The following NXPH1 variants were observed in gnomAD, a reference collection of about 807,000 sequenced individuals.
NXPH1 encodes neurexophilin-1.
NXPH1 carries 5 observed loss-of-function variants against 23.7 expected under a neutral mutation model. The ratio of observed to expected loss-of-function variants is 0.21; its 90% CI spans 0.11 to 0.44. The LOEUF (loss-of-function observed/expected upper bound fraction) is 0.44. NXPH1 is among the 20% of genes least tolerant of loss of function. The pLI, the probability that NXPH1 is intolerant of heterozygous loss-of-function variation, is 0.99. For missense variants in NXPH1, 324 were observed against 321.6 expected, an observed-to-expected ratio of 1.01 and a Z score of -0.06; for synonymous variants, 144 against 122.2, an observed-to-expected ratio of 1.18 and a Z score of -1.18.
At chr7:8,560,311 A>G (rs1818421879) in intron 2 of NXPH1, among the ~76,000 whole-genome samples, 4 of 151,730 alleles carry the variant, frequency 2.6e-5, no homozygotes. Flanking sequence ...AGATATTTCA[A>G]AGACTGTTGA....
chr7:8,676,638 G>A (rs1370531552), intron 2 of NXPH1, among the ~76,000 whole-genome samples: 4 of 152,104 alleles, frequency 2.6e-5, no homozygotes, highest in Non-Finnish European at 5.9e-5. Context: ...TCCAAGATGT[G>A]CTTATTTATC....
intron 2 of NXPH1, among the ~76,000 whole-genome samples, chr7:8,583,601 C>T (rs1213735118): frequency 3.3e-5 from 5 of 152,128 alleles, no homozygotes; most frequent in Admixed American, 6.5e-5. Context: ...TTACACAGCA[C>T]TTAGTGATAG....
At chr7:8,742,962 C>T (rs1479565926) in intron 2 of NXPH1, among the ~76,000 whole-genome samples, 3 of 145,830 alleles carry the variant, frequency 2.1e-5, no homozygotes, top group Admixed American at 6.8e-5. Flanking sequence ...TGAGTGTGTG[C>T]GTGTGTGCGT....
At chr7:8,547,860 G>A (rs887521177) in intron 2 of NXPH1, among the ~76,000 whole-genome samples, 4 of 151,444 alleles carry the variant, frequency 2.6e-5, no homozygotes, top group Non-Finnish European at 5.9e-5. Flanking sequence ...GTACTTAATG[G>A]TATATATATG....
intron 2 of NXPH1, among the ~76,000 whole-genome samples, chr7:8,458,108 G>A (rs1816632119): frequency 6.6e-6 from 1 of 152,208 alleles, no homozygotes; most frequent in Non-Finnish European, 1.5e-5. Context: ...TAGTGCTAGT[G>A]CAATTGAGAT....
intron 2 of NXPH1, among the ~76,000 whole-genome samples, chr7:8,476,926 T>A (rs1357370256): frequency 6.6e-6 from 1 of 152,180 alleles, no homozygotes; most frequent in African/African-American, 2.4e-5. Context: ...GATCACAATG[T>A]ACCTATTTCC....
At chr7:8,542,264 G>A (rs758064735) in intron 2 of NXPH1, among the ~76,000 whole-genome samples, 1 of 151,336 alleles carries the variant, frequency 6.6e-6, no homozygotes, top group South Asian at 2.1e-4. Context: ...ATAATTAATG[G>A]GTAAATTCAT....
At chr7:8,495,857 G>T (rs948766740) in intron 2 of NXPH1, among the ~76,000 whole-genome samples, 2 of 151,960 alleles carry the variant, frequency 1.3e-5, no homozygotes, top group Non-Finnish European at 2.9e-5. Flanking sequence ...TGGCTGCCAC[G>T]GTATTTGTTT....
chr7:8,614,432 C>A (rs2189453), intron 2 of NXPH1, among the ~76,000 whole-genome samples: 45,998 of 149,502 alleles, frequency 0.31, 7,876 homozygotes, highest in African/African-American at 0.46. Flanking sequence ...ACATATATGT[C>A]TGTATGTGTA....
At chr7:8,520,883 A>G (rs561324951) in intron 2 of NXPH1, among the ~76,000 whole-genome samples, 1 of 152,146 alleles carries the variant, frequency 6.6e-6, no homozygotes, top group African/African-American at 2.4e-5. Flanking sequence ...CTTATAAAGC[A>G]GTGAAGGGGG....
chr7:8,685,959 G>T (rs1821140723), intron 2 of NXPH1, among the ~76,000 whole-genome samples: 1 of 152,130 alleles, frequency 6.6e-6, no homozygotes, highest in South Asian at 2.1e-4. Context: ...TGCTTGAGAA[G>T]ATGGATACTC....
intron 2 of NXPH1, among the ~76,000 whole-genome samples, chr7:8,643,861 T>G (rs962477347): frequency 2.0e-5 from 3 of 152,330 alleles, no homozygotes; most frequent in Non-Finnish European, 1.5e-5. Context: ...AATTTAAAAC[T>G]ATGTGGATTT....
At chr7:8,555,312 T>A (rs1045109226) in intron 2 of NXPH1, among the ~76,000 whole-genome samples, 1 of 151,656 alleles carries the variant, frequency 6.6e-6, no homozygotes, top group Non-Finnish European at 1.5e-5. Context: ...TGCTTTTAGT[T>A]CCCATTTTGA....
intron 2 of NXPH1, among the ~76,000 whole-genome samples, chr7:8,679,536 T>C (rs1390487045): frequency 3.3e-5 from 5 of 152,240 alleles, no homozygotes; most frequent in Non-Finnish European, 7.3e-5. Context: ...AAATTGTTAA[T>C]TGTTAAAATC....
intron 2 of NXPH1, among the ~76,000 whole-genome samples, chr7:8,506,790 G>A (rs1307469431): frequency 6.6e-6 from 1 of 151,956 alleles, no homozygotes; most frequent in Non-Finnish European, 1.5e-5. Flanking sequence ...TGCAGCAGAG[G>A]GTACATGGAA....
intron 2 of NXPH1, among the ~76,000 whole-genome samples, chr7:8,571,018 TATCTAATCTAATCTAATCTA>T (rs35589510): frequency 0.049 from 7,110 of 145,958 alleles, 209 homozygotes; most frequent in South Asian, 0.093. Context: ...TCTGTCTGTC[TATCTAATCTAATCTAATCTA>T]ATCTAATCTA....
chr7:8,559,509 TA>T (rs1174959920), intron 2 of NXPH1, among the ~76,000 whole-genome samples: 1 of 151,718 alleles, frequency 6.6e-6, no homozygotes, highest in African/African-American at 2.4e-5. Flanking sequence ...ATTTTCTCCC[TA>T]CTTTCTTAAG....
intron 2 of NXPH1, among the ~76,000 whole-genome samples, chr7:8,661,942 CA>C (rs1820682397): frequency 6.6e-6 from 1 of 151,708 alleles, no homozygotes; most frequent in Non-Finnish European, 1.5e-5. Context: ...AAAAACAAAC[CA>C]ATTAACTTGA....
At chr7:8,626,841 G>A (rs189520697) in intron 2 of NXPH1, among the ~76,000 whole-genome samples, 241 of 151,994 alleles carry the variant, frequency 1.6e-3, no homozygotes, top group Non-Finnish European at 2.9e-3. Context: ...TTATTCTTGG[G>A]ACACTTTTTC....
Sources: allele counts gnomAD v4.1 joint callset (sites outside exome capture counted in the v4.1 genomes callset), GRCh38; gene constraint gnomAD v4.1.1; transcripts MANE v1.5; gene names NCBI Gene and HGNC (gene_info 2026-07-23, HGNC 2026-07-21).